ZNF442: variants seen among roughly 807,000 people sequenced by gnomAD.
ZNF442 encodes zinc finger protein 442.
ZNF442 carries 45 observed loss-of-function variants against 57.0 expected under a neutral mutation model. The observed-to-expected ratio is 0.79, with a 90% confidence interval of 0.62 to 1.01. ZNF442 has a LOEUF of 1.01. Ranked by LOEUF, ZNF442 falls within the 50% of genes least tolerant of loss-of-function variation. The pLI, the probability that ZNF442 is intolerant of heterozygous loss-of-function variation, is 0.00. For missense variants in ZNF442, 690 were observed against 756.5 expected, an observed-to-expected ratio of 0.91 and a Z score of 1.03; for synonymous variants, 213 against 241.8, an observed-to-expected ratio of 0.88 and a Z score of 1.10.
At chr19:12,362,167 C>G (rs1969441507) in intron 3 of ZNF442, among the ~76,000 whole-genome samples, 1 of 152,206 alleles carries the variant, frequency 6.6e-6, no homozygotes, top group Admixed American at 6.5e-5. Flanking sequence ...AGGAGCATCT[C>G]TGCCTGGCTG....
At chr19:12,367,761 T>G (rs1969550332), upstream of ZNF442, among the ~76,000 whole-genome samples, 1 of 152,108 alleles carries the variant, frequency 6.6e-6, no homozygotes, top group Non-Finnish European at 1.5e-5. Flanking sequence ...TTCTGCCTCC[T>G]GGGTTCACAC....
chr19:12,352,932 T>C (rs1599588271), intron 4 of ZNF442, 56 bp downstream of exon 4: 1 of 1,579,770 alleles, frequency 6.3e-7, no homozygotes, highest in Non-Finnish European at 8.6e-7. Flanking sequence ...ACAGCATTGA[T>C]GACCAAGAAA....
intron 3 of ZNF442, among the ~76,000 whole-genome samples, chr19:12,357,279 T>G (rs369347298): frequency 2.0e-5 from 3 of 152,096 alleles, no homozygotes; most frequent in Non-Finnish European, 4.4e-5. Flanking sequence ...TCATACTTTA[T>G]GTGCATTACA....
Position 12,351,045 on chromosome 19 carries a change from G to T in ZNF442, c.540C>A (p.Arg180=), listed in dbSNP as rs61737005. 1 of 1,614,072 alleles carries T rather than the reference G, an allele frequency of 6.2e-7. No individual in the cohort carries two copies. The highest frequency in any genetic ancestry group is 1.7e-5 in the Admixed American group (1 of 60,016). Residue 180 remains arginine (R), a synonymous_variant, in exon 6 of 6, where the codon CGC becomes CGA. Transcript: ENST00000242804. The part of the protein sequence containing the change: ...TQERPHTGKK[R]YDCKECGKTF... ...TTTTCCCACATTCCTTACAATCATA[G>T]CGTTTCTTTCCAGTGTGAGGTCTTT...
At chr19:12,361,773 G>C (rs1201357230) in intron 3 of ZNF442, among the ~76,000 whole-genome samples, 1 of 150,432 alleles carries the variant, frequency 6.6e-6, no homozygotes, top group South Asian at 2.1e-4. Flanking sequence ...ATGCCGAGCG[G>C]AGGCTGGACT....
rs1322305049 is a variant in ZNF442 at position 12,347,040 on chromosome 19, T to C, written c.*2661A>G. The C allele has an allele frequency of 2.0e-5, 3 of 152,216 alleles. No homozygotes were observed. The highest frequency in any genetic ancestry group is 6.5e-5 in the Admixed American group (1 of 15,276). 9.4% of individuals were successfully genotyped at this position (152,216 alleles called of 1,614,324 possible). A position where few individuals can be genotyped will look rare whatever the true frequency, so the allele number is the denominator to read the frequency against. On this transcript the variant is annotated 3_prime_UTR_variant, in exon 6 of 6. Transcript: ENST00000242804. ...CCCTTCCTTTGTGTATTCTAGTTTGTACCAGCACTGTAAGAGGCTTCCAGA... is the reference window on the plus strand; with the variant it reads ...CCCTTCCTTTGTGTATTCTAGTTTGCACCAGCACTGTAAGAGGCTTCCAGA...
At chr19:12,355,864 G>C (rs142425593) in intron 3 of ZNF442, among the ~76,000 whole-genome samples, 2 of 152,054 alleles carry the variant, frequency 1.3e-5, no homozygotes, top group Non-Finnish European at 2.9e-5. Context: ...AGCTACCTGG[G>C]AGGCTGATGC....
the ZNF442 span, among the ~76,000 whole-genome samples, chr19:12,372,142 T>C: frequency 1.6e-4 from 24 of 152,118 alleles, no homozygotes; most frequent in East Asian, 4.6e-3. Context: ...AGGACATGAA[T>C]AGACATTTTT....
chr19:12,353,160 T>G, intron 3 of ZNF442, 46 bp from the exon 4 acceptor site: 1 of 1,540,174 alleles, frequency 6.5e-7, no homozygotes. Context: ...AGACTGATAG[T>G]ACCAAAAATT....
intron 3 of ZNF442, among the ~76,000 whole-genome samples, chr19:12,357,349 C>CTTTTTT (rs5827145): frequency 3.4e-4 from 32 of 95,340 alleles, no homozygotes; most frequent in East Asian, 6.1e-4. Flanking sequence ...CTTTTTCTTT[C>CTTTTTT]TTTTTTTTTT....
chr19:12,371,772 C>G, the ZNF442 span, among the ~76,000 whole-genome samples: 14 of 152,278 alleles, frequency 9.2e-5, no homozygotes, highest in African/African-American at 3.4e-4. Flanking sequence ...GGACCCCTTC[C>G]TTACACCATA....
intron 4 of ZNF442, 41 bp downstream of exon 4, chr19:12,352,947 T>C (rs767576285): frequency 1.3e-6 from 2 of 1,581,850 alleles, no homozygotes; most frequent in Non-Finnish European, 1.7e-6. Context: ...AAGAAAAAAA[T>C]GTCTCTAATT....
the ZNF442 span, among the ~76,000 whole-genome samples, chr19:12,371,945 T>A: frequency 2.0e-5 from 3 of 151,964 alleles, no homozygotes; most frequent in Non-Finnish European, 2.9e-5. Flanking sequence ...CATTGACAAG[T>A]GGGATCTAAT....
intron 3 of ZNF442, 115 bp from the exon 4 acceptor site, chr19:12,353,229 GT>G: frequency 5.4e-6 from 6 of 1,115,712 alleles, no homozygotes; most frequent in Non-Finnish European, 7.5e-6. Flanking sequence ...CAATGACATG[GT>G]AAATCCACCC....
chr19:12,368,809 G>T (rs569815283), upstream of ZNF442, among the ~76,000 whole-genome samples: 2 of 152,220 alleles, frequency 1.3e-5, no homozygotes, highest in Non-Finnish European at 2.9e-5. Context: ...TTCCACACGC[G>T]GTGAGCAGCC....
chr19:12,353,249 T>C, intron 3 of ZNF442, 135 bp from the exon 4 acceptor site: 1 of 924,146 alleles, frequency 1.1e-6, no homozygotes, highest in Non-Finnish European at 1.6e-6. Context: ...CCTTATTCTC[T>C]GTCTACAATC....
chr19:12,366,068 G>A (rs567187583), upstream of ZNF442, among the ~76,000 whole-genome samples: 1 of 152,320 alleles, frequency 6.6e-6, no homozygotes, highest in South Asian at 2.1e-4. Context: ...CCACACTGAA[G>A]CAGGAGGGAA....
rs775861514 is a variant in ZNF442 at position 12,350,199 on chromosome 19, T to G, written c.1386A>C (p.Lys462Asn). ...ETTHTGEKPY[K>N]CKCGKAFIDF... The stretch of plus-strand genomic sequence containing the variant: ...CAATAAAGGCTTTCCCACATTTACA[T>G]TTATAGGGTTTCTCTCCAGTGTGAG... The change falls in exon 6 of 6, where the codon AAA (lysine) becomes AAC (asparagine). Residue 462 changes from lysine to asparagine, a missense_variant. By Grantham distance (94) the Lys-to-Asn change is moderately conservative. Transcript: ENST00000242804. The G allele has an allele frequency of 5.6e-6, 9 of 1,613,720 alleles. No individual in the cohort carries two copies. In the Admixed American group the frequency reaches 1.2e-4, roughly 21 times the overall value.
rs1489474957 is a variant in ZNF442, at chr19:12,359,317, A to G, written c.78+4237T>C. ...CCTGTAATTCTAGTAAATAAGTAAGATGACAGAAAATCACCTCAACTCCCC... is the reference window on the plus strand; with the variant it reads ...CCTGTAATTCTAGTAAATAAGTAAGGTGACAGAAAATCACCTCAACTCCCC... On this transcript the variant is annotated intron_variant, in intron 3 of 5. Coordinates refer to ENST00000242804, the MANE Select transcript of ZNF442 (RefSeq NM_030824.3). Among the ~76,000 whole-genome samples, 3 of 152,292 alleles carry G rather than the reference A, an allele frequency of 2.0e-5. No individual in the cohort carries two copies. The East Asian group carries it at 5.8e-4, about 29-fold the overall frequency.
Sources: allele counts gnomAD v4.1 joint callset (sites outside exome capture counted in the v4.1 genomes callset), GRCh38; gene constraint gnomAD v4.1.1; transcripts MANE v1.5; gene names NCBI Gene and HGNC (gene_info 2026-07-23, HGNC 2026-07-21).